Variants in MTG2 observed in about 807,000 individuals in gnomAD.
MTG2 encodes mitochondrial ribosome associated GTPase 2.
A neutral mutation model predicts 28.6 loss-of-function variants in MTG2; 23 were observed. The observed-to-expected ratio is 0.80, with a 90% CI of 0.58 to 1.14. The LOEUF (loss-of-function observed/expected upper bound fraction) is 1.14. Ranked by LOEUF, MTG2 falls within the 50% of genes most tolerant of loss-of-function variation. The probability of loss-of-function intolerance (pLI) is 0.00; values close to 1 mark genes in which losing one functional copy is unlikely to be tolerated. For missense variants in MTG2, 539 were observed against 552.0 expected, an observed-to-expected ratio of 0.98 and a Z score of 0.24; for synonymous variants, 260 against 251.8, an observed-to-expected ratio of 1.03 and a Z score of -0.31.
rs559861452 is a variant in MTG2, at chr20:62,197,572, G to A, written c.353-280G>A. On this transcript the variant is annotated intron_variant, in intron 3 of 6. Transcript: ENST00000370823. ...GGTTATATTCACACTCAGCATAGACGCATAGCGAGCTGGGAGTGAAGCCTT... is the reference window on the plus strand; with the variant it reads ...GGTTATATTCACACTCAGCATAGACACATAGCGAGCTGGGAGTGAAGCCTT... 174 of 349,372 alleles carry A rather than the reference G, an allele frequency of 5.0e-4. 1 individual carries two copies. The highest frequency in any genetic ancestry group is 4.5e-3 in the South Asian group (171 of 37,940). The allele number at this position is 349,372 out of a possible 1,614,324, so 21.6% of individuals were successfully genotyped here. A position where few individuals can be genotyped will look rare whatever the true frequency, so the allele number is the denominator to read the frequency against.
At position 62,201,602 on chromosome 20, in the gene MTG2, C is replaced by T. The variant is rs142381267; in HGVS notation, c.*525C>T. 8.3e-3 allele frequency: 1,269 copies of T among 153,192 alleles called. 6 individuals carry two copies. Among genetic ancestry groups the T allele is most frequent in the Non-Finnish European group, 0.013 (890 of 68,738 alleles). 9.5% of individuals were successfully genotyped at this position (153,192 alleles called of 1,614,324 possible). A position where few individuals can be genotyped will look rare whatever the true frequency, so the allele number is the denominator to read the frequency against. On this transcript the variant is annotated 3_prime_UTR_variant, in exon 7 of 7. Transcript: ENST00000370823. ...ACCGCAAGCCCAGGCACCAGTGTCT[C>T]GGGGGGCCTCACTGCTGCGCAAGGG...
Position 62,203,311 on chromosome 20 carries a change from G to A in MTG2, c.*2234G>A, listed in dbSNP as rs2058205054. The stretch of plus-strand genomic sequence containing the variant: ...TGCTGAAGCTGAGGCTCCAGAGGGG[G>A]AGTCACTGCCACGAAGGTTGCCCAG... On this transcript the variant is annotated 3_prime_UTR_variant, in exon 7 of 7. Transcript: ENST00000370823. The A allele has an allele frequency of 1.3e-5, 2 of 152,262 alleles. No individual in the cohort carries two copies. Among genetic ancestry groups the A allele is most frequent in the African/African-American group, 2.4e-5 (1 of 41,466 alleles). The allele number at this position is 152,262 out of a possible 1,614,324, so 9.4% of individuals were successfully genotyped here.
intron 3 of MTG2, 114 bp from the exon 4 acceptor site, chr20:62,197,738 T>C: frequency 2.6e-6 from 2 of 756,812 alleles, no homozygotes; most frequent in Non-Finnish European, 4.5e-6. Flanking sequence ...TGCTGCACCC[T>C]CACTCCATGC....
Position 62,199,138 on chromosome 20 carries a change from G to C in MTG2, c.707G>C (p.Gly236Ala). ...CCCCAGGTGGGATTCCCCAACGCCG[G>C]GAAGTCCTCACTGCTCCGGGCCATT... ...HAGMVGFPNA[G>A]KSSLLRAISN... The change falls in exon 6 of 7, where the codon GGG (glycine) becomes GCG (alanine). Residue 236 changes from glycine (G) to alanine (A), a missense_variant. By Grantham distance (60) the Gly-to-Ala change is moderately conservative (BLOSUM62 0). Transcript: ENST00000370823. 6.2e-7 allele frequency: 1 copy of C among 1,614,082 alleles called. No homozygotes were observed. The highest frequency in any genetic ancestry group is 8.5e-7 in the Non-Finnish European group (1 of 1,180,014).
chr20:62,190,491 A>G (rs1171397937), intron 1 of MTG2, among the ~76,000 whole-genome samples: 1 of 152,158 alleles, frequency 6.6e-6, no homozygotes, highest in African/African-American at 2.4e-5. Flanking sequence ...AGCATTCCTT[A>G]TACAGCAGCT....
At chr20:62,198,876 C>T in intron 5 of MTG2, 24 bp downstream of exon 5, 1 of 1,612,426 alleles carries the variant, frequency 6.2e-7, no homozygotes, top group Non-Finnish European at 8.5e-7. Flanking sequence ...CTGCCAACAG[C>T]ATCTGCACAC....
At position 62,201,126 on chromosome 20, in the gene MTG2, G is replaced by A. The variant is rs1054885; in HGVS notation, c.*49G>A. ...TGGGCCTCTGTCTGAGCAAACCTGG[G>A]TGTGAATTCGGTGGTTTTGAATGCA... is the stretch of plus-strand genomic sequence containing the variant. On this transcript the variant is annotated 3_prime_UTR_variant, in exon 7 of 7. Transcript: ENST00000370823. 0.32 allele frequency: 478,517 copies of A among 1,506,908 alleles called. 80,052 individuals carry two copies. Among genetic ancestry groups the A allele is most frequent in the East Asian group, 0.68 (29,720 of 43,566 alleles). The allele number at this position is 1,506,908 out of a possible 1,614,324, so 93.3% of individuals were successfully genotyped here.
intron 1 of MTG2, among the ~76,000 whole-genome samples, chr20:62,191,287 A>C (rs1222045306): frequency 3.3e-5 from 5 of 152,106 alleles, no homozygotes; most frequent in Admixed American, 1.3e-4. Context: ...ACTTTCCTAC[A>C]GGGAGAGGCA....
intron 4 of MTG2, chr20:62,198,359 T>C (rs2058097915): frequency 1.8e-6 from 1 of 558,868 alleles, no homozygotes; most frequent in Non-Finnish European, 3.2e-6. Flanking sequence ...ATGTTTTTTC[T>C]GGTGCTTCAG....
At chr20:62,189,664 C>CCTTTTTTTTTTTTTTTTTTTTTTTT (rs750430757) in intron 1 of MTG2, among the ~76,000 whole-genome samples, 2 of 113,650 alleles carry the variant, frequency 1.8e-5, no homozygotes. Context: ...TAAACATTAA[C>CCTTTTTTTTTTTTTTTTTTTTTTTT]TTTTTTTTTT....
Position 62,203,094 on chromosome 20 carries a change from A to T in MTG2, c.*2017A>T, listed in dbSNP as rs1486938983. 2 of 152,220 alleles carry T rather than the reference A, an allele frequency of 1.3e-5. No individual in the cohort carries two copies. Among genetic ancestry groups the T allele is most frequent in the African/African-American group, 2.4e-5 (1 of 41,458 alleles). The allele number at this position is 152,220 out of a possible 1,614,324, so 9.4% of individuals were successfully genotyped here. A position where few individuals can be genotyped will look rare whatever the true frequency, so the allele number is the denominator to read the frequency against. On this transcript the variant is annotated 3_prime_UTR_variant, in exon 7 of 7. Coordinates refer to ENST00000370823, the MANE Select transcript of MTG2 (RefSeq NM_015666.4). ...TGCTTTTTCTTTCAGGCCGCCACAA[A>T]GGATTTTGTGGAGTCGCCCCAGGCC...
chr20:62,199,086 G>A lies in MTG2; in HGVS notation c.688-33G>A, dbSNP rs73309508. 3.7e-3 allele frequency: 5,887 copies of A among 1,612,022 alleles called. 87 individuals are homozygous for A. In the African/African-American group the frequency reaches 0.043, roughly 12 times the overall value. ...TCTGCGCTAACAAAGGTGCTGCCGC[G>A]GGCCGTGCCACCGTCTTCCCTCTTT... On this transcript the variant is annotated intron_variant, in intron 5 of 6. Coordinates refer to ENST00000370823, the MANE Select transcript of MTG2 (RefSeq NM_015666.4).
At position 62,189,327 on chromosome 20, in the gene MTG2, T is replaced by C. The variant is rs539838753; in HGVS notation, c.-5-4089T>C. Among the ~76,000 whole-genome samples the C allele has an allele frequency of 2.7e-5, 4 of 150,812 alleles. No individual in the cohort carries two copies. The East Asian group carries it at 7.8e-4, about 29-fold the overall frequency. On this transcript the variant is annotated intron_variant, in intron 1 of 6. Transcript: ENST00000370823. ...CTCAAAAAAAAAAAAGAAAAAAAAG[T>C]GTCTCTTTCTCTCATTCTATTGCTC...
Position 62,201,230 on chromosome 20 carries a change from T to A in MTG2, c.*153T>A, listed in dbSNP as rs2058165267. On this transcript the variant is annotated 3_prime_UTR_variant, in exon 7 of 7. Transcript: ENST00000370823. ...CGCCTGCTGGCCTGAGATGCCCTCA[T>A]GTTGGGAAGCATTCCGTGCCCCCTA... is the stretch of plus-strand genomic sequence containing the variant. 1 of 944,274 alleles carries A rather than the reference T, an allele frequency of 1.1e-6. No homozygotes were observed. Among genetic ancestry groups the A allele is most frequent in the Non-Finnish European group, 1.5e-6 (1 of 653,770 alleles). The allele number at this position is 944,274 out of a possible 1,614,324, so 58.5% of individuals were successfully genotyped here. A position where few individuals can be genotyped will look rare whatever the true frequency, so the allele number is the denominator to read the frequency against.
intron 6 of MTG2, chr20:62,200,370 C>G: frequency 3.4e-6 from 1 of 289,882 alleles, no homozygotes; most frequent in Non-Finnish European, 6.4e-6. Context: ...CCATTTTCCT[C>G]TTTTTTGAAT....
chr20:62,196,332 A>G (rs932722489), intron 3 of MTG2, among the ~76,000 whole-genome samples: 3 of 150,362 alleles, frequency 2.0e-5, no homozygotes, highest in South Asian at 2.1e-4. Flanking sequence ...ATATTCCAGC[A>G]TGGGTGACAG....
rs1396092896 is a variant in MTG2 at position 62,202,568 on chromosome 20, C to T, written c.*1491C>T. On this transcript the variant is annotated 3_prime_UTR_variant, in exon 7 of 7. Coordinates refer to ENST00000370823, the MANE Select transcript of MTG2 (RefSeq NM_015666.4). ...GAGATTGAGACCATCCTGGCTAACACAGTGAAACCCCGTCTCTACTAAAAA... is the reference window on the plus strand; with the variant it reads ...GAGATTGAGACCATCCTGGCTAACATAGTGAAACCCCGTCTCTACTAAAAA... The T allele has an allele frequency of 2.6e-5, 4 of 152,284 alleles. No homozygotes were observed. The highest frequency in any genetic ancestry group is 9.7e-5 in the African/African-American group (4 of 41,404). 9.4% of individuals were successfully genotyped at this position (152,284 alleles called of 1,614,324 possible).
At chr20:62,194,824 A>G (rs2058030260) in intron 2 of MTG2, among the ~76,000 whole-genome samples, 1 of 152,180 alleles carries the variant, frequency 6.6e-6, no homozygotes, top group South Asian at 2.1e-4. Context: ...CTCCTGTGGT[A>G]GGAGCTGTTG....
intron 1 of MTG2, among the ~76,000 whole-genome samples, chr20:62,187,154 T>C (rs1244096723): frequency 1.3e-5 from 2 of 152,230 alleles, no homozygotes; most frequent in Non-Finnish European, 2.9e-5. Context: ...GTGAAGTGCC[T>C]GGGCTGAGTT....
Sources: gnomAD v4.1 joint callset for allele counts (sites outside exome capture counted in the v4.1 genomes callset) on GRCh38, gnomAD v4.1.1 for gene constraint, MANE v1.5 for transcripts, NCBI Gene and HGNC (gene_info 2026-07-23, HGNC 2026-07-21) for gene names.